MEF2C: variants seen among roughly 807,000 people sequenced by gnomAD.
The protein encoded by MEF2C is myocyte enhancer factor 2C.
A neutral mutation model predicts 50.5 loss-of-function variants in MEF2C; 6 were observed. The observed-to-expected ratio is 0.12, with a 90% CI of 0.07 to 0.23. The LOEUF (loss-of-function observed/expected upper bound fraction) is 0.23, where lower values mean the gene tolerates loss of function less well. MEF2C is among the 10% of genes least tolerant of loss of function. The probability of loss-of-function intolerance (pLI) is 1.00; values close to 1 mark genes in which losing one functional copy is unlikely to be tolerated. For missense variants in MEF2C, 276 were observed against 605.0 expected (o/e 0.46, Z 5.70); for synonymous variants, 183 against 228.0 (o/e 0.80, Z 1.78).
chr5:88,802,653 T>TATTA (rs1798857364), intron 3 of MEF2C, among the ~76,000 whole-genome samples: 1 of 152,156 alleles, frequency 6.6e-6, no homozygotes, highest in African/African-American at 2.4e-5. Flanking sequence ...TTTGCCATGT[T>TATTA]ACCCAGGCTG....
At chr5:88,898,894 C>A (rs1405176983) in intron 1 of MEF2C, among the ~76,000 whole-genome samples, 1 of 152,078 alleles carries the variant, frequency 6.6e-6, no homozygotes, top group Non-Finnish European at 1.5e-5. Flanking sequence ...CTATATGTAG[C>A]AGACATATTG....
chr5:88,845,371 G>A (rs990390889), intron 1 of MEF2C, among the ~76,000 whole-genome samples: 2 of 152,134 alleles, frequency 1.3e-5, no homozygotes, highest in East Asian at 1.9e-4. Context: ...GAAATATGAC[G>A]TAGAAGCAAC....
intron 1 of MEF2C, among the ~76,000 whole-genome samples, chr5:88,872,534 T>C (rs559394658): frequency 1.3e-3 from 196 of 152,130 alleles, no homozygotes; most frequent in Admixed American, 2.4e-3. Context: ...GAAAGTATTA[T>C]TGAAAAATAA....
intron 1 of MEF2C, among the ~76,000 whole-genome samples, chr5:88,832,774 T>A (rs141873894): frequency 3.7e-4 from 56 of 152,320 alleles, no homozygotes; most frequent in African/African-American, 1.3e-3. Flanking sequence ...TTCTGAAGGC[T>A]TTAATCAATT....
chr5:88,764,557 C>T (rs981057229), intron 3 of MEF2C, among the ~76,000 whole-genome samples: 1 of 137,634 alleles, frequency 7.3e-6, no homozygotes, highest in African/African-American at 2.5e-5. Flanking sequence ...CGCCTGTAAT[C>T]CCAGCACTTT....
chr5:88,783,555 G>C (rs777639006), intron 3 of MEF2C, among the ~76,000 whole-genome samples: 2 of 152,080 alleles, frequency 1.3e-5, no homozygotes, highest in Non-Finnish European at 2.9e-5. Context: ...GCTTGAACCC[G>C]GGAGGTGGAG....
At chr5:88,845,309 C>T (rs1012104104) in intron 1 of MEF2C, among the ~76,000 whole-genome samples, 1 of 152,168 alleles carries the variant, frequency 6.6e-6, no homozygotes, top group Admixed American at 6.5e-5. Context: ...TTAAATGGAT[C>T]CACATTATGG....
chr5:88,876,598 T>A (rs1015831804), intron 1 of MEF2C, among the ~76,000 whole-genome samples: 3 of 152,014 alleles, frequency 2.0e-5, no homozygotes, highest in Non-Finnish European at 2.9e-5. Flanking sequence ...TACATTAATG[T>A]GTTTATTTTC....
chr5:88,776,488 GC>G (rs1365544303), intron 3 of MEF2C, among the ~76,000 whole-genome samples: 2 of 151,964 alleles, frequency 1.3e-5, no homozygotes, highest in Non-Finnish European at 2.9e-5. Context: ...CCTCATTCCC[GC>G]CCTCATCAAC....
intron 5 of MEF2C, chr5:88,749,378 T>G (rs1771525256): frequency 2.0e-6 from 2 of 984,988 alleles, no homozygotes; most frequent in South Asian, 9.4e-5. Flanking sequence ...GGTCTCTGCA[T>G]TTTTATTATT....
At chr5:88,880,014 C>T (rs1031132091) in intron 1 of MEF2C, among the ~76,000 whole-genome samples, 1 of 151,074 alleles carries the variant, frequency 6.6e-6, no homozygotes, top group Non-Finnish European at 1.5e-5. Context: ...TGACAGATCT[C>T]GGTGAACAGT....
intron 3 of MEF2C, among the ~76,000 whole-genome samples, chr5:88,793,095 T>C (rs902260672): frequency 6.6e-6 from 1 of 152,160 alleles, no homozygotes; most frequent in African/African-American, 2.4e-5. Flanking sequence ...GGATAACAAC[T>C]TCAACAGTGC....
chr5:88,818,281 G>A (rs1806510858), intron 2 of MEF2C, among the ~76,000 whole-genome samples: 1 of 151,828 alleles, frequency 6.6e-6, no homozygotes, highest in African/African-American at 2.4e-5. Context: ...AAAACCATCT[G>A]TTCATAAAAA....
chr5:88,859,084 T>C (rs1406811380), intron 1 of MEF2C, among the ~76,000 whole-genome samples: 2 of 152,258 alleles, frequency 1.3e-5, no homozygotes, highest in Non-Finnish European at 2.9e-5. Flanking sequence ...AATTGTTATT[T>C]GTATTACAAC....
At chr5:88,790,581 C>T (rs988808646) in intron 3 of MEF2C, among the ~76,000 whole-genome samples, 2 of 152,144 alleles carry the variant, frequency 1.3e-5, no homozygotes, top group African/African-American at 2.4e-5. Flanking sequence ...CCACCAGCAC[C>T]ACAAGCAATA....
At chr5:88,786,924 A>G (rs1310333855) in intron 3 of MEF2C, among the ~76,000 whole-genome samples, 2 of 152,172 alleles carry the variant, frequency 1.3e-5, no homozygotes, top group Admixed American at 6.5e-5. Context: ...CTTTGTCTAT[A>G]TCTTATTATG....
At chr5:88,751,734 G>A (rs1377003177) in intron 5 of MEF2C, 123 bp downstream of exon 5, 3 of 1,184,530 alleles carry the variant, frequency 2.5e-6, no homozygotes, top group Non-Finnish European at 3.6e-6. Context: ...GGGGGTGGAT[G>A]GTAAGCCATG....
intron 5 of MEF2C, 79 bp from the exon 6 acceptor site, chr5:88,749,196 G>C: frequency 7.1e-7 from 1 of 1,408,780 alleles, no homozygotes; most frequent in African/African-American, 1.4e-5. Flanking sequence ...AGCAACCTCA[G>C]TATTTTGTCC....
At chr5:88,876,498 T>C (rs1831101561) in intron 1 of MEF2C, among the ~76,000 whole-genome samples, 1 of 152,032 alleles carries the variant, frequency 6.6e-6, no homozygotes, top group Non-Finnish European at 1.5e-5. Context: ...TACCACCTTA[T>C]TCAGGGTCGA....
Sources: allele counts gnomAD v4.1 joint callset (sites outside exome capture counted in the v4.1 genomes callset), GRCh38; gene constraint gnomAD v4.1.1; transcripts MANE v1.5; gene names NCBI Gene and HGNC (gene_info 2026-07-23, HGNC 2026-07-21).